Variants in PDE7B observed in about 807,000 individuals in gnomAD.
The protein encoded by PDE7B is 3',5'-cyclic-AMP phosphodiesterase 7B.
PDE7B carries 29 observed loss-of-function variants against 56.2 expected under a neutral mutation model. The observed-to-expected ratio is 0.52, with a 90% CI of 0.38 to 0.70. PDE7B has a LOEUF of 0.70. Ranked by LOEUF, PDE7B falls within the 30% of genes least tolerant of loss-of-function variation. PDE7B has a pLI of 0.00. For synonymous variants in PDE7B, 197 were observed against 196.9 expected (o/e 1.00, Z 0.00); for missense variants, 490 against 565.0 (o/e 0.87, Z 1.35).
intron 2 of PDE7B, among the ~76,000 whole-genome samples, chr6:135,991,146 G>A (rs1346854052): frequency 6.6e-5 from 10 of 152,164 alleles, no homozygotes; most frequent in Admixed American, 5.2e-4. Flanking sequence ...GGTGGGTTTT[G>A]TCTGGCTTCT....
intron 2 of PDE7B, among the ~76,000 whole-genome samples, chr6:136,062,791 C>T (rs1361046576): frequency 6.6e-6 from 1 of 152,144 alleles, no homozygotes; most frequent in East Asian, 1.9e-4. Context: ...TGGAGTGAAT[C>T]TGGAGTAGTT....
At chr6:136,133,130 C>T (rs1419869042) in intron 3 of PDE7B, among the ~76,000 whole-genome samples, 3 of 152,074 alleles carry the variant, frequency 2.0e-5, no homozygotes, top group African/African-American at 7.2e-5. Flanking sequence ...GCTTCCAGTG[C>T]TTTCCCTTTC....
intron 1 of PDE7B, among the ~76,000 whole-genome samples, chr6:135,935,663 A>T (rs960746154): frequency 6.6e-6 from 1 of 152,194 alleles, no homozygotes; most frequent in Non-Finnish European, 1.5e-5. Flanking sequence ...TCTTTCAAAT[A>T]TTGATCTTGC....
At chr6:136,130,727 G>C (rs1268390227) in intron 3 of PDE7B, among the ~76,000 whole-genome samples, 1 of 152,080 alleles carries the variant, frequency 6.6e-6, no homozygotes, top group Non-Finnish European at 1.5e-5. Flanking sequence ...TACTGATAAA[G>C]ACATACCCGA....
At chr6:135,924,429 C>T (rs1053992811) in intron 1 of PDE7B, among the ~76,000 whole-genome samples, 6 of 152,076 alleles carry the variant, frequency 3.9e-5, no homozygotes, top group African/African-American at 1.4e-4. Context: ...CATAACCTGC[C>T]CTGTGTATAG....
rs192258897 is a variant in PDE7B, at chr6:136,139,011, C to A, written c.167-8340C>A. On this transcript the variant is annotated intron_variant, in intron 3 of 12. Transcript: ENST00000308191. ...TACTTTAAGTTTTAGGGTACATGTGCACGATGTGCAGGTTTGTTACATATG... is the reference window on the plus strand; with the variant it reads ...TACTTTAAGTTTTAGGGTACATGTGAACGATGTGCAGGTTTGTTACATATG... Among the ~76,000 whole-genome samples the A allele has an allele frequency of 3.7e-3, 557 of 152,168 alleles. 1 individual carries two copies. Among genetic ancestry groups the A allele is most frequent in the African/African-American group, 0.013 (519 of 41,518 alleles).
chr6:135,867,527 C>T (rs1775285214), intron 1 of PDE7B, among the ~76,000 whole-genome samples: 1 of 152,108 alleles, frequency 6.6e-6, no homozygotes, highest in African/African-American at 2.4e-5. Flanking sequence ...TATTTCATCA[C>T]CCAAGTATTA....
chr6:136,180,964 C>T (rs1040369033), intron 10 of PDE7B, among the ~76,000 whole-genome samples: 1 of 152,166 alleles, frequency 6.6e-6, no homozygotes, highest in Non-Finnish European at 1.5e-5. Context: ...GGCCTGCCCA[C>T]CCAAGTCTCT....
chr6:136,053,466 C>T (rs995719920), intron 2 of PDE7B, among the ~76,000 whole-genome samples: 5 of 152,056 alleles, frequency 3.3e-5, no homozygotes, highest in African/African-American at 9.7e-5. Context: ...CATTGCTGGA[C>T]ATTTGGGTTG....
chr6:136,167,621 C>A (rs1778815455), intron 8 of PDE7B, among the ~76,000 whole-genome samples: 1 of 152,156 alleles, frequency 6.6e-6, no homozygotes. Context: ...ATGTCTTTAT[C>A]AGTAGCATGA....
At chr6:135,930,060 T>C (rs1209392511) in intron 1 of PDE7B, among the ~76,000 whole-genome samples, 1 of 152,170 alleles carries the variant, frequency 6.6e-6, no homozygotes, top group African/African-American at 2.4e-5. Flanking sequence ...GATAAAGACA[T>C]ACCCGAGACT....
At chr6:136,080,634 A>G (rs918287978) in intron 2 of PDE7B, among the ~76,000 whole-genome samples, 1 of 152,220 alleles carries the variant, frequency 6.6e-6, no homozygotes, top group Non-Finnish European at 1.5e-5. Context: ...CCCATTCGAC[A>G]TGGAGATCTA....
chr6:136,091,582 CT>C (rs1292035159), intron 2 of PDE7B, among the ~76,000 whole-genome samples: 1 of 152,210 alleles, frequency 6.6e-6, no homozygotes, highest in African/African-American at 2.4e-5. Flanking sequence ...GTAAGATTCT[CT>C]GAACATTGAT....
chr6:135,902,723 T>C lies in PDE7B; in HGVS notation c.22-44741T>C, dbSNP rs113115221. 5.2e-3 allele frequency among the ~76,000 whole-genome samples: 791 copies of C among 152,332 alleles called. 2 individuals are homozygous for C. The highest frequency in any genetic ancestry group is 0.01 in the Middle Eastern group (3 of 294). ...AACCCTTGGAAGTATTTTAAAGGAC[T>C]TACCTGACAAGCAGATATAACTGGT... On this transcript the variant is annotated intron_variant, in intron 1 of 12. Transcript: ENST00000308191.
At chr6:136,075,426 A>G (rs1206105989) in intron 2 of PDE7B, among the ~76,000 whole-genome samples, 1 of 152,148 alleles carries the variant, frequency 6.6e-6, no homozygotes, top group Non-Finnish European at 1.5e-5. Context: ...GTAATGAATG[A>G]GATGTTGTAG....
intron 1 of PDE7B, among the ~76,000 whole-genome samples, chr6:135,919,866 T>C (rs917574971): frequency 9.9e-5 from 15 of 152,148 alleles, no homozygotes; most frequent in African/African-American, 3.6e-4. Flanking sequence ...CTGAAGAAAC[T>C]CTGCCTCATC....
chr6:136,143,259 C>T (rs1778358536), intron 3 of PDE7B, among the ~76,000 whole-genome samples: 1 of 151,904 alleles, frequency 6.6e-6, no homozygotes, highest in Admixed American at 6.6e-5. Flanking sequence ...GTAGCTCACA[C>T]TTATAATCCC....
chr6:135,971,199 C>T (rs1236952313), intron 2 of PDE7B, among the ~76,000 whole-genome samples: 1 of 152,128 alleles, frequency 6.6e-6, no homozygotes, highest in Non-Finnish European at 1.5e-5. Flanking sequence ...TTTGGATACA[C>T]AGACACACAT....
chr6:136,154,056 T>C lies in PDE7B; in HGVS notation c.479-19T>C. 6.4e-7 allele frequency: 1 copy of C among 1,568,188 alleles called. No homozygotes were observed. Among genetic ancestry groups the C allele is most frequent in the Non-Finnish European group, 8.8e-7 (1 of 1,138,558 alleles). On this transcript the variant is annotated intron_variant, in intron 6 of 12. Transcript: ENST00000308191. ...CCTATTTGGGTTTTAGTTGATTGAG[T>C]TATCTGTTTACCTCCCAGTCATGGT... is the stretch of plus-strand genomic sequence containing the variant.
Sources: allele counts gnomAD v4.1 joint callset (sites outside exome capture counted in the v4.1 genomes callset), GRCh38; gene constraint gnomAD v4.1.1; transcripts MANE v1.5; gene names NCBI Gene and HGNC (gene_info 2026-07-23, HGNC 2026-07-21).